TDRD1: variants seen among roughly 807,000 people sequenced by gnomAD.
TDRD1 encodes the protein tudor domain-containing protein 1.
Under a neutral mutation model 140.6 loss-of-function variants are expected in TDRD1, and 37 were observed. That is an observed-to-expected ratio of 0.26 (90% CI 0.20 to 0.35). TDRD1 has a LOEUF of 0.35. TDRD1 is among the 10% of genes least tolerant of loss of function. The pLI, the probability that TDRD1 is intolerant of heterozygous loss-of-function variation, is 1.00. For missense variants in TDRD1, 1,243 were observed against 1,393.0 expected, an observed-to-expected ratio of 0.89 and a Z score of 1.71; for synonymous variants, 506 against 475.7, an observed-to-expected ratio of 1.06 and a Z score of -0.83.
exon 21 of TDRD1, chr10:114,222,649 A>C: frequency 1.2e-6 from 2 of 1,613,762 alleles, no homozygotes; most frequent in Non-Finnish European, 8.5e-7. Flanking sequence ...TGCTCCGAAA[A>C]GTCGACCACC....
upstream of TDRD1, among the ~76,000 whole-genome samples, chr10:114,177,925 T>G (rs1000481108): frequency 1.1e-3 from 162 of 151,434 alleles, no homozygotes; most frequent in African/African-American, 3.9e-3. Context: ...CTCCGCCTCC[T>G]GGGTGCAGGC....
At chr10:114,228,292 G>A in intron 25 of TDRD1, 1 of 1,395,970 alleles carries the variant, frequency 7.2e-7, no homozygotes, top group African/African-American at 1.5e-5. Flanking sequence ...GTTTTTGTAG[G>A]TTTATCTGAT....
intron 2 of TDRD1, among the ~76,000 whole-genome samples, chr10:114,190,266 T>G (rs2033863627): frequency 6.6e-6 from 1 of 152,230 alleles, no homozygotes; most frequent in Non-Finnish European, 1.5e-5. Context: ...ATGTAATGCA[T>G]TTATTTTTAA....
chr10:114,214,981 A>G (rs902296771), intron 16 of TDRD1, among the ~76,000 whole-genome samples: 2 of 151,960 alleles, frequency 1.3e-5, no homozygotes, highest in Non-Finnish European at 1.5e-5. Context: ...GACCTTGTGA[A>G]TCCACCTGCC....
At chr10:114,224,515 C>T (rs2036324210) in intron 21 of TDRD1, among the ~76,000 whole-genome samples, 1 of 152,122 alleles carries the variant, frequency 6.6e-6, no homozygotes, top group African/African-American at 2.4e-5. Context: ...GTTTTCTGTT[C>T]TGTTAGGAGC....
chr10:114,217,518 A>G (rs375434764), intron 16 of TDRD1, 27 bp from the exon 17 acceptor site: 30 of 1,243,876 alleles, frequency 2.4e-5, no homozygotes, highest in East Asian at 5.0e-5. Context: ...TATGTTCTTA[A>G]TTTTTTAATC....
chr10:114,217,750 C>T, intron 17 of TDRD1, 95 bp downstream of exon 17: 2 of 649,520 alleles, frequency 3.1e-6, no homozygotes, highest in Non-Finnish European at 5.4e-6. Context: ...CTTAAGCAAA[C>T]ATTTTTCATG....
chr10:114,191,097 T>C (rs1466887366), intron 3 of TDRD1, 78 bp downstream of exon 3: 2 of 1,446,494 alleles, frequency 1.4e-6, no homozygotes, highest in East Asian at 4.7e-5. Context: ...AAAGAAGTGT[T>C]CAATTTGTAG....
chr10:114,229,815 A>ATTTTTTTTTTTTTTTTTTT (rs199773341), intron 25 of TDRD1, among the ~76,000 whole-genome samples: 1 of 138,600 alleles, frequency 7.2e-6, no homozygotes, highest in African/African-American at 2.8e-5. Flanking sequence ...ATATATATAT[A>ATTTTTTTTTTTTTTTTTTT]TATTTTTTTT....
At chr10:114,183,997 G>T (rs930816388) in intron 1 of TDRD1, among the ~76,000 whole-genome samples, 1 of 152,014 alleles carries the variant, frequency 6.6e-6, no homozygotes, top group African/African-American at 2.4e-5. Context: ...TAGATGTAGA[G>T]GTACCAAGTC....
At chr10:114,187,689 A>G in intron 1 of TDRD1, 137 bp from the exon 2 acceptor site, 1 of 756,570 alleles carries the variant, frequency 1.3e-6, no homozygotes, top group South Asian at 2.7e-5. Flanking sequence ...TTTTGATGTC[A>G]TGGTTATATC....
At chr10:114,226,260 T>C (rs2036430720) in intron 22 of TDRD1, 44 bp downstream of exon 22, 1 of 1,444,838 alleles carries the variant, frequency 6.9e-7, no homozygotes, top group African/African-American at 1.4e-5. Context: ...CTGGGTATTT[T>C]TTTTTTCCTC....
Position 114,227,061 on chromosome 10 carries a change from A to AT in TDRD1, c.3176-5dup. On this transcript the variant is annotated splice_polypyrimidine_tract_variant and intron_variant, in intron 22 of 25. Coordinates refer to ENST00000251864, the Ensembl canonical transcript of TDRD1. Reference sequence around the variant, plus strand: ...AAGGGACTAAAAGACTATAATATCTATTTTTTCCAGGATTAATGGAATTGA... The same window carrying AT: ...AAGGGACTAAAAGACTATAATATCTATTTTTTTCCAGGATTAATGGAATTGA... The AT allele has an allele frequency of 2.9e-6, 4 of 1,379,652 alleles. No individual in the cohort carries two copies. The highest frequency in any genetic ancestry group is 1.4e-5 in the African/African-American group (1 of 69,286). The allele number at this position is 1,379,652 out of a possible 1,614,324, so 85.5% of individuals were successfully genotyped here.
At chr10:114,177,779 C>T (rs1056599849), upstream of TDRD1, among the ~76,000 whole-genome samples, 5 of 151,860 alleles carry the variant, frequency 3.3e-5, no homozygotes, top group East Asian at 1.9e-4. Context: ...ATAGGGGAAA[C>T]GATGTGGCTT....
At chr10:114,221,566 G>T (rs1449625902) in intron 20 of TDRD1, 90 bp downstream of exon 20, 2 of 1,237,774 alleles carry the variant, frequency 1.6e-6, no homozygotes, top group Non-Finnish European at 2.3e-6. Context: ...GGAATGAAGG[G>T]GAGAAAGAGG....
upstream of TDRD1, chr10:114,179,233 A>C (rs1459870895): frequency 6.6e-6 from 1 of 152,332 alleles, no homozygotes; most frequent in African/African-American, 2.4e-5. Flanking sequence ...ACGTGGGCAC[A>C]TTGAGTTGCA....
At chr10:114,204,312 G>A (rs745904177) in intron 9 of TDRD1, 96 bp downstream of exon 9, 6 of 1,321,190 alleles carry the variant, frequency 4.5e-6, no homozygotes, top group South Asian at 1.5e-5. Flanking sequence ...CTATTCTGCT[G>A]TGTTACTGTA....
chr10:114,209,561 T>G (rs2035349347), intron 11 of TDRD1, among the ~76,000 whole-genome samples: 1 of 152,258 alleles, frequency 6.6e-6, no homozygotes, highest in Admixed American at 6.5e-5. Flanking sequence ...CTCTTAACTT[T>G]TACACTTGAG....
chr10:114,204,428 C>T (rs949444312), intron 9 of TDRD1, among the ~76,000 whole-genome samples: 1 of 152,126 alleles, frequency 6.6e-6, no homozygotes, highest in African/African-American at 2.4e-5. Flanking sequence ...TCAATTTGCT[C>T]TTCAAAATAA....
Sources: gnomAD v4.1 joint callset for allele counts (sites outside exome capture counted in the v4.1 genomes callset) on GRCh38, gnomAD v4.1.1 for gene constraint, MANE v1.5 for transcripts, NCBI Gene and HGNC (gene_info 2026-07-23, HGNC 2026-07-21) for gene names.